METTL6: variants seen among roughly 807,000 people sequenced by gnomAD.
METTL6 encodes the protein methyltransferase 6, tRNA N3-cytidine.
METTL6 carries 22 observed loss-of-function variants against 26.4 expected under a neutral mutation model. The ratio of observed to expected loss-of-function variants is 0.83; its 90% CI spans 0.59 to 1.19. The LOEUF (loss-of-function observed/expected upper bound fraction) is 1.19. Among genes scored for constraint, METTL6 ranks in the 50% most tolerant of loss-of-function variants. The pLI is 0.00. For synonymous variants in METTL6, 109 were observed against 116.2 expected (o/e 0.94, Z 0.40); for missense variants, 304 against 324.8 (o/e 0.94, Z 0.49).
intron 3 of METTL6, among the ~76,000 whole-genome samples, chr3:15,417,868 C>T (rs977253223): frequency 6.6e-6 from 1 of 152,158 alleles, no homozygotes. Flanking sequence ...GACCCCCTCT[C>T]CCACACCCCA....
rs769438720 is a variant in METTL6, at chr3:15,399,882, T to C, written c.*11+11363A>G. ...AAATATACTTTGGCATATTTTGAGA[T>C]GGCTATTCCAAGAAACTAAAGACAC... On this transcript the variant is annotated intron_variant, in intron 6 of 6. Transcript: ENST00000443029. Among the ~76,000 whole-genome samples, 22 of 152,224 alleles carry C rather than the reference T, an allele frequency of 1.4e-4. 1 individual carries two copies. The highest frequency in any genetic ancestry group is 1.0e-3 in the Admixed American group (16 of 15,270).
intron 3 of METTL6, among the ~76,000 whole-genome samples, chr3:15,422,807 T>G (rs1453183290): frequency 6.6e-6 from 1 of 152,196 alleles, no homozygotes; most frequent in Non-Finnish European, 1.5e-5. Flanking sequence ...AGTTACTATC[T>G]TAACCCTGTG....
intron 6 of METTL6, among the ~76,000 whole-genome samples, chr3:15,400,687 A>C (rs901880902): frequency 9.2e-5 from 14 of 152,206 alleles, no homozygotes; most frequent in Non-Finnish European, 1.9e-4. Context: ...TGGTAATGTA[A>C]AAGTAATAAA....
chr3:15,400,861 T>C (rs1699620703), intron 6 of METTL6, among the ~76,000 whole-genome samples: 1 of 152,174 alleles, frequency 6.6e-6, no homozygotes. Flanking sequence ...TAATAATATT[T>C]ATCATTAAAC....
At chr3:15,426,724 G>T (rs1035873151) in intron 1 of METTL6, 89 bp from the exon 2 acceptor site, 4 of 569,004 alleles carry the variant, frequency 7.0e-6, no homozygotes, top group Non-Finnish European at 3.1e-6. Flanking sequence ...GATGCAGACT[G>T]TACAAAAAAA....
intron 6 of METTL6, among the ~76,000 whole-genome samples, chr3:15,391,912 G>A (rs1575388913): frequency 6.6e-6 from 1 of 152,042 alleles, no homozygotes; most frequent in African/African-American, 2.4e-5. Flanking sequence ...TGGACATTTG[G>A]GTTGGTTCCA....
intron 6 of METTL6, among the ~76,000 whole-genome samples, chr3:15,390,400 C>G (rs1699312725): frequency 6.6e-6 from 1 of 152,082 alleles, no homozygotes; most frequent in Admixed American, 6.5e-5. Flanking sequence ...TGCACTCCAG[C>G]CTGGGTGACA....
rs563280249 is a variant in METTL6 at position 15,411,350 on chromosome 3, C to A, written c.761G>T (p.Gly254Val). Residue 254 changes from glycine (G) to valine (V), a missense_variant, in exon 6 of 6, where the codon GGC (glycine) becomes GTC (valine). Transcript: ENST00000383790. ...VFRETVNKKE[G>V]LCVPRVFLQS... ...AAGGAAAACTCTTGGCACACACAGG[C>A]CTTCTTTTTTATTCACCGTCTCTCG... 4 of 1,614,078 alleles carry A rather than the reference C, an allele frequency of 2.5e-6. No individual in the cohort carries two copies. The East Asian group carries it at 6.7e-5, about 27-fold the overall frequency.
intron 3 of METTL6, among the ~76,000 whole-genome samples, chr3:15,417,878 A>G (rs2061523395): frequency 6.6e-6 from 1 of 152,104 alleles, no homozygotes; most frequent in African/African-American, 2.4e-5. Flanking sequence ...CCCACACCCC[A>G]CCATCGAATC....
At chr3:15,390,283 C>T (rs1257250915) in intron 6 of METTL6, among the ~76,000 whole-genome samples, 6 of 151,946 alleles carry the variant, frequency 3.9e-5, no homozygotes, top group Non-Finnish European at 7.4e-5. Flanking sequence ...CAAAAGTTAG[C>T]TGGGTGTGTT....
At chr3:15,416,033 C>T (rs1700191402) in intron 3 of METTL6, 91 bp from the exon 4 acceptor site, 1 of 1,079,938 alleles carries the variant, frequency 9.3e-7, no homozygotes, top group East Asian at 2.5e-5. Context: ...ATCCAATTTC[C>T]ACTTGTATAC....
At chr3:15,382,427 C>G (rs1699100166) in exon 7 of METTL6, 1 of 152,310 alleles carries the variant, frequency 6.6e-6, no homozygotes, top group Non-Finnish European at 1.5e-5. Flanking sequence ...AATCCCAGCA[C>G]TTTGGGAGGC....
intron 6 of METTL6, among the ~76,000 whole-genome samples, chr3:15,403,736 A>G (rs1699710325): frequency 6.6e-6 from 1 of 152,246 alleles, no homozygotes; most frequent in African/African-American, 2.4e-5. Context: ...TTCAGAGTCC[A>G]TAAAGTGAAA....
At position 15,410,067 on chromosome 3, in the gene METTL6, A is replaced by G. The variant is rs1377422067; in HGVS notation, c.*1189T>C. Reference sequence around the variant, plus strand: ...TTTGTGGAATTTTACAGTGAACAATATGGCTAAATTATGTTATTCTATAAA... The same window carrying G: ...TTTGTGGAATTTTACAGTGAACAATGTGGCTAAATTATGTTATTCTATAAA... On this transcript the variant is annotated 3_prime_UTR_variant, in exon 6 of 6. Coordinates refer to ENST00000383790, the MANE Select transcript of METTL6 (RefSeq NM_152396.4). Among the ~76,000 whole-genome samples the G allele has an allele frequency of 1.3e-5, 2 of 152,126 alleles. No homozygotes were observed. The highest frequency in any genetic ancestry group is 2.9e-5 in the Non-Finnish European group (2 of 68,024).
In METTL6 at chr3:15,389,711, G is replaced by A. The variant is rs1415035065; in HGVS notation, c.*12-5524C>T. Among the ~76,000 whole-genome samples the A allele has an allele frequency of 5.9e-5, 9 of 151,870 alleles. No individual in the cohort carries two copies. The South Asian group carries it at 8.3e-4, about 14-fold the overall frequency. ...ATTACAGGCATGCGCCACCACGCCC[G>A]GCTAATTTTGTATTTTTAGTAGAGA... On this transcript the variant is annotated intron_variant, in intron 6 of 6. Transcript: ENST00000443029.
chr3:15,385,673 A>C (rs1699173888), intron 6 of METTL6, among the ~76,000 whole-genome samples: 1 of 152,200 alleles, frequency 6.6e-6, no homozygotes, highest in Admixed American at 6.5e-5. Flanking sequence ...CAGCCTGGTC[A>C]ACATAACAAG....
chr3:15,388,135 A>C (rs1699247681), intron 6 of METTL6, among the ~76,000 whole-genome samples: 1 of 150,830 alleles, frequency 6.6e-6, no homozygotes, highest in Admixed American at 6.6e-5. Flanking sequence ...TTTGAGATGG[A>C]GTTTCGCTCT....
intron 6 of METTL6, among the ~76,000 whole-genome samples, chr3:15,395,459 C>T (rs937389184): frequency 1.4e-4 from 22 of 152,142 alleles, no homozygotes; most frequent in African/African-American, 4.3e-4. Flanking sequence ...ATCCAATTTG[C>T]CACTCTGGGT....
chr3:15,406,006 T>C (rs367618535), downstream of METTL6, among the ~76,000 whole-genome samples: 7 of 151,954 alleles, frequency 4.6e-5, no homozygotes, highest in Non-Finnish European at 8.8e-5. Flanking sequence ...TGTGTGTGTG[T>C]ATGTGTATAT....
Sources: gnomAD v4.1 joint callset for allele counts (sites outside exome capture counted in the v4.1 genomes callset) on GRCh38, gnomAD v4.1.1 for gene constraint, MANE v1.5 for transcripts, NCBI Gene and HGNC (gene_info 2026-07-23, HGNC 2026-07-21) for gene names.